Variants in PLEC observed in about 807,000 individuals in gnomAD.
The protein encoded by PLEC is hemidesmosomal protein 1.
PLEC carries 216 observed loss-of-function variants against 392.8 expected under a neutral mutation model. The observed-to-expected ratio is 0.55, with a 90% CI of 0.49 to 0.62. The LOEUF (loss-of-function observed/expected upper bound fraction) is 0.62. PLEC is among the 20% of genes least tolerant of loss of function. The pLI is 0.00. For synonymous variants in PLEC, 3,621 were observed against 2,980.6 expected (o/e 1.21, Z -7.00); for missense variants, 6,863 against 6,563.4 (o/e 1.05, Z -1.58).
chr8:143,950,507 C>G, exon 1 of PLEC: 1 of 1,608,462 alleles, frequency 6.2e-7, no homozygotes, highest in South Asian at 1.1e-5. Flanking sequence ...AAAGTGGCAC[C>G]AGGCAAAGGT....
At chr8:143,954,981 G>A (rs1382555140), upstream of PLEC, among the ~76,000 whole-genome samples, 4 of 152,112 alleles carry the variant, frequency 2.6e-5, no homozygotes, top group East Asian at 1.9e-4. This position sits in a 1 kb window ranked among gnomAD's most constrained non-coding sequence, Gnocchi z 4.6. Context: ...ATCCAGGAGC[G>A]AGGCCGGCAG....
At chr8:143,938,786 G>C in intron 1 of PLEC, 94 bp from the exon 2 acceptor site, 1 of 1,102,758 alleles carries the variant, frequency 9.1e-7, no homozygotes, top group Non-Finnish European at 1.4e-6. Flanking sequence ...TGGCTGGCCA[G>C]GTCCTGCCTG....
rs1554681827 is a variant in PLEC at position 143,920,448 on chromosome 8, T to C, written c.9373A>G (p.Ile3125Val). 3.7e-6 allele frequency: 6 copies of C among 1,600,432 alleles called. No individual in the cohort carries two copies. The highest frequency in any genetic ancestry group is 1.1e-5 in the South Asian group (1 of 90,784). ...AGGCGCAGGCCCTGCTCCCGGGGAA[T>C]GAGGCCCTTCTTCAGGGCCTGGAAC... ...SLFQALKKGL[I>V]PREQGLRLLD... Residue 3125 changes from isoleucine (I) to valine (V), a missense_variant, in exon 32 of 32, where the codon ATT becomes GTT. Physicochemically the swap from Ile to Val is conservative, Grantham distance 29 (BLOSUM62 3). Transcript: ENST00000345136.
upstream of PLEC, among the ~76,000 whole-genome samples, chr8:143,954,806 C>G (rs1832501667): frequency 6.6e-6 from 1 of 152,198 alleles, no homozygotes; most frequent in Non-Finnish European, 1.5e-5. The surrounding 1 kb of genome is among the most constrained non-coding windows in gnomAD (Gnocchi z 4.6). Flanking sequence ...CCACCCCAGT[C>G]CGTGCTGGTA....
chr8:143,942,308 G>T (rs976346705), upstream of PLEC: 48 of 1,529,608 alleles, frequency 3.1e-5, no homozygotes, highest in South Asian at 5.0e-4. Context: ...CAGCCCAGGC[G>T]GCGGTTCCCA....
intron 1 of PLEC, among the ~76,000 whole-genome samples, chr8:143,961,912 T>G (rs781819849): frequency 6.6e-5 from 10 of 152,172 alleles, no homozygotes; most frequent in Non-Finnish European, 1.2e-4. Flanking sequence ...GCTCAAGAGA[T>G]CCTCCCACCT....
At position 143,926,966 on chromosome 8, in the gene PLEC, C is replaced by T. The variant is rs1554706282; in HGVS notation, c.3945+11G>A. ...CAGCCCCTCACCCAGTTAGGTTCGG[C>T]CCCACCCTACCTCCTGGATGACACT... On this transcript the variant is annotated intron_variant, in intron 29 of 31. Coordinates refer to ENST00000345136, the MANE Select transcript of PLEC (RefSeq NM_201384.3). 2 of 1,610,646 alleles carry T rather than the reference C, an allele frequency of 1.2e-6. No homozygotes were observed. The highest frequency in any genetic ancestry group is 8.5e-7 in the Non-Finnish European group (1 of 1,177,668).
chr8:143,930,393 C>T lies in PLEC; in HGVS notation c.2448G>A (p.Lys816=). The T allele has an allele frequency of 6.4e-7, 1 of 1,572,180 alleles. No individual in the cohort carries two copies. Among genetic ancestry groups the T allele is most frequent in the Non-Finnish European group, 8.6e-7 (1 of 1,162,338 alleles). The change falls in exon 20 of 32, where the codon AAG becomes AAA. Residue 816 remains lysine (K), a synonymous_variant. Coordinates refer to ENST00000345136, the MANE Select transcript of PLEC (RefSeq NM_201384.3). The part of the protein sequence containing the change: ...RLPLLAVCDY[K]QVEVTVHKGD... The stretch of plus-strand genomic sequence containing the variant: ...CCCGGCCTGCGCTCACCTCCACCTG[C>T]TTATAGTCGCACACGGCCAGCAGGG...
upstream of PLEC, among the ~76,000 whole-genome samples, chr8:143,940,350 G>A (rs1186273372): frequency 6.6e-6 from 1 of 152,220 alleles, no homozygotes; most frequent in African/African-American, 2.4e-5. Context: ...GAAGCCCCAG[G>A]AGGGGCCTCG....
rs1174849475 is a variant in PLEC at position 143,916,174 on chromosome 8, G to A, written c.*3C>T. On this transcript the variant is annotated 3_prime_UTR_variant, in exon 32 of 32. Transcript: ENST00000345136. ...ATGCAGAGCGGGGTGGGCGCAGGCAGCCTCAGGCCACGGCAGACTCAGGGC... is the reference window on the plus strand; with the variant it reads ...ATGCAGAGCGGGGTGGGCGCAGGCAACCTCAGGCCACGGCAGACTCAGGGC... 1 of 1,534,564 alleles carries A rather than the reference G, an allele frequency of 6.5e-7. No individual in the cohort carries two copies. The highest frequency in any genetic ancestry group is 8.8e-7 in the Non-Finnish European group (1 of 1,140,618).
rs1554677533 is a variant in PLEC at position 143,919,222 on chromosome 8, G to C, written c.10599C>G (p.Asp3533Glu). The C allele has an allele frequency of 6.2e-7, 1 of 1,613,884 alleles. No individual in the cohort carries two copies. Among genetic ancestry groups the C allele is most frequent in the Admixed American group, 1.7e-5 (1 of 60,026 alleles). ...YRQLLERCVE[D>E]PETGLRLLPL... Reference sequence around the variant, plus strand: ...GCAGAAGGCGCAAGCCCGTCTCGGGGTCCTCCACGCACCGCTCCAGCAGCT... The same window carrying C: ...GCAGAAGGCGCAAGCCCGTCTCGGGCTCCTCCACGCACCGCTCCAGCAGCT... Residue 3533 changes from aspartate to glutamate, a missense_variant, in exon 32 of 32, where the codon GAC becomes GAG. Physicochemically the swap from Asp to Glu is conservative, Grantham distance 45. Transcript: ENST00000345136.
Position 143,921,756 on chromosome 8 carries a change from G to A in PLEC, c.8065C>T (p.Arg2689Cys), listed in dbSNP as rs373228579. ...VDELARREDV[R>C]HYLQGRSSIA... ...CTGCTGCGGCCCTGCAGGTAGTGGCGCACGTCTTCCCGCCGTGCGAGCTCG... is the reference window on the plus strand; with the variant it reads ...CTGCTGCGGCCCTGCAGGTAGTGGCACACGTCTTCCCGCCGTGCGAGCTCG... The change falls in exon 32 of 32, where the codon CGC (arginine) becomes TGC (cysteine). Residue 2689 changes from arginine to cysteine, a missense_variant. By Grantham distance (180) the Arg-to-Cys change is radical. Coordinates refer to ENST00000345136, the MANE Select transcript of PLEC (RefSeq NM_201384.3). The A allele has an allele frequency of 7.6e-5, 122 of 1,612,356 alleles. No homozygotes were observed. The African/African-American group carries it at 1.1e-3, about 15-fold the overall frequency.
At chr8:143,973,820 G>A (rs1261982535), upstream of PLEC, among the ~76,000 whole-genome samples, 8 of 151,814 alleles carry the variant, frequency 5.3e-5, no homozygotes, top group African/African-American at 1.9e-4. This position sits in a 1 kb window ranked among gnomAD's most constrained non-coding sequence, Gnocchi z 5.6. Flanking sequence ...CCGCCGGGCC[G>A]GCGACCTGCC....
rs1554725828 is a variant in PLEC at position 143,938,618 on chromosome 8, A to G, written c.174+13T>C. On this transcript the variant is annotated intron_variant, in intron 2 of 31. Transcript: ENST00000345136. ...CTCAGCCCCTGTGACACGCACCAGC[A>G]TGCGCCACCAACCTTGATGAGGTGC... 4 of 1,613,298 alleles carry G rather than the reference A, an allele frequency of 2.5e-6. No homozygotes were observed. The East Asian group carries it at 6.7e-5, about 27-fold the overall frequency.
At position 143,920,197 on chromosome 8, in the gene PLEC, G is replaced by T; in HGVS notation, c.9624C>A (p.Ser3208Arg). 1 of 1,610,172 alleles carries T rather than the reference G, an allele frequency of 6.2e-7. No individual in the cohort carries two copies. Residue 3208 changes from serine to arginine, a missense_variant, in exon 32 of 32, where the codon AGC becomes AGA. Transcript: ENST00000345136. ...CAGCCTTTTCTGAGAGCGGCAGCAG[G>T]CTCAGCCCGGTCAGCTGGTCGGGCC... ...RCRPDQLTGL[S>R]LLPLSEKAAR...
At position 143,924,446 on chromosome 8, in the gene PLEC, C is replaced by T. The variant is rs781955123; in HGVS notation, c.5483G>A (p.Arg1828Gln). The change falls in exon 31 of 32, where the codon CGG becomes CAG. Residue 1828 changes from arginine (R) to glutamine (Q), a missense_variant. Arg to Gln is a conservative substitution (Grantham distance 43, BLOSUM62 1). Coordinates refer to ENST00000345136, the MANE Select transcript of PLEC (RefSeq NM_201384.3). Reference protein sequence around the residue: ...QLAEEDAARQRAEAERVLAEK... With the variant: ...QLAEEDAARQQAEAERVLAEK... Reference sequence around the variant, plus strand: ...CGCAAGCACCCGCTCCGCCTCGGCCCGCTGCCGCGCCGCGTCTTCCTCGGC... The same window carrying T: ...CGCAAGCACCCGCTCCGCCTCGGCCTGCTGCCGCGCCGCGTCTTCCTCGGC... The T allele has an allele frequency of 1.8e-5, 28 of 1,558,636 alleles. No homozygotes were observed. The highest frequency in any genetic ancestry group is 1.8e-4 in the Middle Eastern group (1 of 5,604).
upstream of PLEC, among the ~76,000 whole-genome samples, chr8:143,940,542 T>C (rs1052362098): frequency 6.6e-6 from 1 of 152,176 alleles, no homozygotes; most frequent in Non-Finnish European, 1.5e-5. Context: ...GGCTGGGGCC[T>C]CCGGCTCCCT....
rs547206059 is a variant in PLEC at position 143,927,306 on chromosome 8, G to C, written c.3786C>G (p.Gly1262=). 2 of 1,613,202 alleles carry C rather than the reference G, an allele frequency of 1.2e-6. No homozygotes were observed. The highest frequency in any genetic ancestry group is 8.5e-7 in the Non-Finnish European group (1 of 1,179,956). Residue 1262 remains glycine, a synonymous_variant, in exon 28 of 32, where the codon GGC becomes GGG. Transcript: ENST00000345136. ...QALLEEIERH[G]EKVEECQRFA... ...ACCTCTGGCACTCCTCGACCTTCTC[G>C]CCGTGGCGCTCGATCTCCTCCAGCA...
rs1333769009 is a variant in PLEC at position 143,923,108 on chromosome 8, T to C, written c.6821A>G (p.Lys2274Arg). 1 of 1,605,716 alleles carries C rather than the reference T, an allele frequency of 6.2e-7. No individual in the cohort carries two copies. Among genetic ancestry groups the C allele is most frequent in the Non-Finnish European group, 8.5e-7 (1 of 1,179,830 alleles). Residue 2274 changes from lysine to arginine, a missense_variant, in exon 31 of 32, where the codon AAG becomes AGG. Lys to Arg is a conservative substitution (Grantham distance 26). Transcript: ENST00000345136. ...CCGCGCGGCCTCCTCCGCCACCTGCTTCATCTTCTCAGCCTCCTCCTGCAG... is the reference window on the plus strand; with the variant it reads ...CCGCGCGGCCTCCTCCGCCACCTGCCTCATCTTCTCAGCCTCCTCCTGCAG... ...RFLQEEAEKM[K>R]QVAEEAARLS...
Sources: allele counts gnomAD v4.1 joint callset (sites outside exome capture counted in the v4.1 genomes callset), GRCh38; gene constraint gnomAD v4.1.1; non-coding constraint Gnocchi (gnomAD v3.1); transcripts MANE v1.5; gene names NCBI Gene and HGNC (gene_info 2026-07-23, HGNC 2026-07-21).